The following DNAAF5 variants were observed in gnomAD, a reference collection of about 807,000 sequenced individuals.
DNAAF5 encodes the protein HEAT repeat containing 2.
In DNAAF5, 64 loss-of-function variants were observed where a neutral mutation model predicts 75.8. That is an observed-to-expected ratio of 0.84 (90% CI 0.69 to 1.04). The LOEUF is 1.04. Among genes scored for constraint, DNAAF5 ranks in the 50% least tolerant of loss-of-function variants. The pLI is 0.00. For synonymous variants in DNAAF5, 657 were observed against 557.2 expected (o/e 1.18, Z -2.52); for missense variants, 1,269 against 1,178.5 (o/e 1.08, Z -1.12).
chr7:730,453 A>G (rs1203273274), intron 2 of DNAAF5, among the ~76,000 whole-genome samples: 1 of 152,164 alleles, frequency 6.6e-6, no homozygotes, highest in Non-Finnish European at 1.5e-5. Context: ...GTTACCTGTC[A>G]TCGTAGTCAG....
intron 5 of DNAAF5, among the ~76,000 whole-genome samples, 168 bp from the exon 6 acceptor site, chr7:756,614 C>G (rs979215211): frequency 4.6e-5 from 7 of 152,152 alleles, no homozygotes; most frequent in African/African-American, 1.7e-4. Flanking sequence ...ACACCCGGAC[C>G]CTTGTACCTT....
chr7:772,789 A>T (rs141158719), intron 9 of DNAAF5: 2 of 152,328 alleles, frequency 1.3e-5, no homozygotes, highest in African/African-American at 4.8e-5. Flanking sequence ...CAGAGGTTGC[A>T]GTGAGCGGAG....
At chr7:770,686 C>T (rs1778529900) in intron 9 of DNAAF5, 68 bp downstream of exon 9, 2 of 1,480,490 alleles carry the variant, frequency 1.4e-6, no homozygotes, top group Admixed American at 3.7e-5. Context: ...CATCTCCCTC[C>T]CCAACAGCTC....
chr7:768,614 G>A (rs1583510755), intron 8 of DNAAF5: 1 of 154,358 alleles, frequency 6.5e-6, no homozygotes, highest in African/African-American at 2.4e-5. Context: ...CGCCTACCTC[G>A]AGCAGGAGCG....
chr7:738,156 C>G (rs1331023813), intron 2 of DNAAF5, among the ~76,000 whole-genome samples: 1 of 152,216 alleles, frequency 6.6e-6, no homozygotes. Context: ...CGTCTTCAAG[C>G]TGCTCACTAA....
chr7:738,554 G>C (rs1274486686), intron 2 of DNAAF5, among the ~76,000 whole-genome samples: 11 of 149,160 alleles, frequency 7.4e-5, no homozygotes, highest in African/African-American at 2.2e-4. Context: ...TCTTGGGAAG[G>C]CTTCTAATCC....
At chr7:776,681 G>A (rs1371753548) in intron 11 of DNAAF5, among the ~76,000 whole-genome samples, 2 of 152,158 alleles carry the variant, frequency 1.3e-5, no homozygotes, top group Admixed American at 6.5e-5. Flanking sequence ...GGGGTGGTTG[G>A]CTTGAAGCCC....
chr7:785,972 C>T lies in DNAAF5; in HGVS notation c.*319C>T, dbSNP rs568125809. On this transcript the variant is annotated 3_prime_UTR_variant, in exon 13 of 13. Coordinates refer to ENST00000297440, the MANE Select transcript of DNAAF5 (RefSeq NM_017802.4). Reference sequence around the variant, plus strand: ...TTAAGCCTCACGTGCGCAGCTGGTTCATGAACTATTGGCTGCATCCTGCTT... The same window carrying T: ...TTAAGCCTCACGTGCGCAGCTGGTTTATGAACTATTGGCTGCATCCTGCTT... The T allele has an allele frequency of 1.8e-5, 5 of 271,080 alleles. No individual in the cohort carries two copies. The East Asian group carries it at 4.0e-4, about 22-fold the overall frequency. 16.8% of individuals were successfully genotyped at this position (271,080 alleles called of 1,614,324 possible).
At chr7:751,713 C>T (rs1040875423) in intron 4 of DNAAF5, among the ~76,000 whole-genome samples, 2 of 151,758 alleles carry the variant, frequency 1.3e-5, no homozygotes, top group African/African-American at 2.4e-5. Context: ...GCTGGGATTA[C>T]AGGCGCTCGC....
chr7:764,836 T>C (rs1782771639), intron 8 of DNAAF5, among the ~76,000 whole-genome samples: 1 of 152,178 alleles, frequency 6.6e-6, no homozygotes, highest in Non-Finnish European at 1.5e-5. Flanking sequence ...TTTGGGAGGC[T>C]GAAGTGGGAG....
At chr7:766,374 TAGG>T (rs141983640) in intron 8 of DNAAF5, among the ~76,000 whole-genome samples, 1,861 of 152,330 alleles carry the variant, frequency 0.012, 46 homozygotes, top group African/African-American at 0.042. Flanking sequence ...AATTTTTTAA[TAGG>T]AGAAATTTTT....
chr7:742,821 CGCTCAAATCAATCATGCCCA>C (rs71020504), intron 4 of DNAAF5, among the ~76,000 whole-genome samples: 107,609 of 139,446 alleles, frequency 0.77, 41,622 homozygotes, highest in South Asian at 0.85. Context: ...TCACATGCCC[CGCTCAAATCAATCATGCCCA>C]GCTCAAATCA....
chr7:738,634 G>A (rs542855851), intron 2 of DNAAF5, among the ~76,000 whole-genome samples: 85 of 152,118 alleles, frequency 5.6e-4, no homozygotes, highest in African/African-American at 2.0e-3. Context: ...ATGGCAGTTC[G>A]GTGTTCAGTG....
chr7:784,174 G>A (rs1444644385), intron 12 of DNAAF5, among the ~76,000 whole-genome samples: 2 of 152,100 alleles, frequency 1.3e-5, no homozygotes, highest in Admixed American at 6.5e-5. Flanking sequence ...CACAGCTGGC[G>A]GCCACGCACC....
intron 12 of DNAAF5, among the ~76,000 whole-genome samples, chr7:781,915 TAC>T (rs1204866544): frequency 1.3e-5 from 2 of 152,254 alleles, no homozygotes; most frequent in South Asian, 2.1e-4. Context: ...GGTTCTAAGA[TAC>T]AGTCTCCCAT....
At position 780,083 on chromosome 7, in the gene DNAAF5, G is replaced by A. The variant is rs556754436; in HGVS notation, c.2370G>A (p.Leu790=). ...KSYYQSSVQY[L]YRELLVHLDD... ...ACTATCAGAGCAGTGTCCAGTACCT[G>A]TACCGAGAGTTGCTGGTTCACCTTG... is the stretch of plus-strand genomic sequence containing the variant. The change falls in exon 12 of 13, where the codon CTG becomes CTA. Residue 790 remains leucine, a synonymous_variant. Transcript: ENST00000297440. 3.1e-6 allele frequency: 5 copies of A among 1,614,232 alleles called. No homozygotes were observed. The South Asian group carries it at 4.4e-5, about 14-fold the overall frequency.
In DNAAF5 at chr7:741,484, G is replaced by A. The variant is rs1781910923; in HGVS notation, c.1024+19G>A. 3 of 1,443,390 alleles carry A rather than the reference G, an allele frequency of 2.1e-6. No homozygotes were observed. Among genetic ancestry groups the A allele is most frequent in the African/African-American group, 2.8e-5 (2 of 71,904 alleles). The allele number at this position is 1,443,390 out of a possible 1,614,324, so 89.4% of individuals were successfully genotyped here. ...CCACATGGTGAGTGACCGCGGCAGA[G>A]GGGAGCGCCAGGAGGCGAGCCCTTG... On this transcript the variant is annotated intron_variant, in intron 4 of 12. Transcript: ENST00000297440.
intron 12 of DNAAF5, among the ~76,000 whole-genome samples, chr7:783,031 T>C (rs963186458): frequency 3.3e-5 from 5 of 152,242 alleles, no homozygotes; most frequent in Non-Finnish European, 4.4e-5. Context: ...CGGCTTGTGG[T>C]GGCAGGGCCA....
At chr7:742,721 G>A (rs1033847130) in intron 4 of DNAAF5, among the ~76,000 whole-genome samples, 29 of 144,642 alleles carry the variant, frequency 2.0e-4, no homozygotes, top group African/African-American at 7.4e-4. Context: ...CAAATCAGAT[G>A]CCCAGCTCAA....
Sources: allele counts gnomAD v4.1 joint callset (sites outside exome capture counted in the v4.1 genomes callset), GRCh38; gene constraint gnomAD v4.1.1; transcripts MANE v1.5; gene names NCBI Gene and HGNC (gene_info 2026-07-23, HGNC 2026-07-21).